ASIC2: variants seen among roughly 807,000 people sequenced by gnomAD.
ASIC2 encodes acid-sensing ion channel 2.
ASIC2 carries 25 observed loss-of-function variants against 57.3 expected under a neutral mutation model. The observed-to-expected ratio is 0.44, with a 90% CI of 0.32 to 0.61. The LOEUF is 0.61. ASIC2 is among the 20% of genes least tolerant of loss of function. The pLI is 0.06. For synonymous variants in ASIC2, 319 were observed against 307.5 expected (o/e 1.04, Z -0.39); for missense variants, 641 against 738.1 (o/e 0.87, Z 1.52).
chr17:33,790,073 T>A (rs1911725180), intron 1 of ASIC2, among the ~76,000 whole-genome samples: 1 of 152,242 alleles, frequency 6.6e-6, no homozygotes, highest in South Asian at 2.1e-4. Context: ...TGATGCCTAA[T>A]CAAAATAGAA....
chr17:33,375,405 T>C (rs1036909074), intron 1 of ASIC2, among the ~76,000 whole-genome samples: 5 of 150,970 alleles, frequency 3.3e-5, no homozygotes, highest in African/African-American at 1.2e-4. Flanking sequence ...AGGGGGAGAG[T>C]GGCAGGAGAA....
intron 1 of ASIC2, among the ~76,000 whole-genome samples, chr17:33,843,288 A>G (rs1913492185): frequency 6.6e-6 from 1 of 152,180 alleles, no homozygotes. Context: ...TGGGTGAGAA[A>G]CGGAAGGCTA....
At chr17:33,888,124 T>A (rs1914873678) in intron 1 of ASIC2, among the ~76,000 whole-genome samples, 1 of 152,186 alleles carries the variant, frequency 6.6e-6, no homozygotes, top group African/African-American at 2.4e-5. Context: ...ACCAGGGATA[T>A]AACCCCATCA....
At chr17:33,022,862 G>T (rs1396025157) in intron 6 of ASIC2, among the ~76,000 whole-genome samples, 1 of 152,156 alleles carries the variant, frequency 6.6e-6, no homozygotes, top group Non-Finnish European at 1.5e-5. Flanking sequence ...AACACCAGAG[G>T]ACTTTGAGAG....
At chr17:33,838,466 T>G (rs1421478460) in intron 1 of ASIC2, among the ~76,000 whole-genome samples, 1 of 152,164 alleles carries the variant, frequency 6.6e-6, no homozygotes, top group African/African-American at 2.4e-5. Flanking sequence ...TGATCAACTA[T>G]CAGATGACAC....
chr17:33,235,630 C>T (rs1018753882), intron 1 of ASIC2, among the ~76,000 whole-genome samples: 1 of 152,116 alleles, frequency 6.6e-6, no homozygotes, highest in African/African-American at 2.4e-5. Flanking sequence ...CAGAGGAGCC[C>T]TCTGTGCTGC....
intron 1 of ASIC2, among the ~76,000 whole-genome samples, chr17:34,042,227 T>C (rs1908163237): frequency 6.6e-6 from 1 of 152,178 alleles, no homozygotes; most frequent in Non-Finnish European, 1.5e-5. Context: ...CTCACATATT[T>C]ACCTAATAAA....
chr17:34,048,263 C>T (rs1302030089), intron 1 of ASIC2, among the ~76,000 whole-genome samples: 5 of 152,218 alleles, frequency 3.3e-5, no homozygotes, highest in Non-Finnish European at 7.3e-5. Context: ...ATTCTCTCTC[C>T]TGAACATGCT....
intron 1 of ASIC2, chr17:34,037,680 G>A: frequency 2.5e-6 from 4 of 1,613,974 alleles, no homozygotes; most frequent in Non-Finnish European, 3.4e-6. Context: ...GCTCCAGCAG[G>A]GCTACTCGTA....
intron 1 of ASIC2, among the ~76,000 whole-genome samples, chr17:34,061,069 A>G (rs1049630665): frequency 6.6e-6 from 1 of 152,200 alleles, no homozygotes; most frequent in African/African-American, 2.4e-5. Context: ...AGTTAAGATG[A>G]AGGAAAGAAT....
chr17:34,033,316 C>T (rs569284768), intron 1 of ASIC2, among the ~76,000 whole-genome samples: 37 of 152,132 alleles, frequency 2.4e-4, no homozygotes, highest in African/African-American at 8.2e-4. Context: ...TTGAAACCAA[C>T]GAGAACAAAA....
At chr17:33,305,423 T>A (rs976052183) in intron 1 of ASIC2, among the ~76,000 whole-genome samples, 2 of 152,166 alleles carry the variant, frequency 1.3e-5, no homozygotes, top group Non-Finnish European at 2.9e-5. Flanking sequence ...GTTATTTGTT[T>A]TTCACACTTT....
chr17:33,752,267 C>G (rs1910458266), intron 1 of ASIC2, among the ~76,000 whole-genome samples: 2 of 152,038 alleles, frequency 1.3e-5, no homozygotes, highest in Admixed American at 1.3e-4. Flanking sequence ...TCCTCCATAC[C>G]TCTCAGAGGA....
chr17:33,849,613 G>C (rs937599963), intron 1 of ASIC2, among the ~76,000 whole-genome samples: 2 of 152,172 alleles, frequency 1.3e-5, no homozygotes, highest in African/African-American at 4.8e-5. Flanking sequence ...TTGCCAGGGA[G>C]GAAGCCTTCC....
Position 33,229,825 on chromosome 17 carries a change from A to G in ASIC2, c.708+61583T>C, listed in dbSNP as rs116552148. Among the ~76,000 whole-genome samples the G allele has an allele frequency of 9.1e-3, 1,388 of 152,266 alleles. 28 individuals are homozygous for G. The highest frequency in any genetic ancestry group is 0.031 in the African/African-American group (1,289 of 41,550). On this transcript the variant is annotated intron_variant, in intron 1 of 9. Coordinates refer to ENST00000225823, the MANE Select transcript of ASIC2 (RefSeq NM_183377.2). ...AATCAGATTAGATGTTTCTCAGGGG[A>G]CTTTCCAGCCCTGGCTGCTCCTGGA...
chr17:33,032,693 C>A (rs1011786476), intron 3 of ASIC2, among the ~76,000 whole-genome samples: 16 of 152,194 alleles, frequency 1.1e-4, no homozygotes, highest in African/African-American at 3.6e-4. Context: ...AAATGACCTA[C>A]CTGCCTCAGC....
At chr17:33,856,131 G>A (rs572048064) in intron 1 of ASIC2, among the ~76,000 whole-genome samples, 2 of 152,288 alleles carry the variant, frequency 1.3e-5, no homozygotes, top group Non-Finnish European at 2.9e-5. Flanking sequence ...TGTACACAGA[G>A]AGGTCAGGAA....
intron 3 of ASIC2, among the ~76,000 whole-genome samples, chr17:33,044,930 G>GT (rs1335275654): frequency 2.6e-5 from 4 of 152,158 alleles, no homozygotes; most frequent in African/African-American, 9.7e-5. Flanking sequence ...GAAAGACTAT[G>GT]TTTTTTTAGG....
chr17:33,348,003 G>A (rs1483836970), intron 1 of ASIC2, among the ~76,000 whole-genome samples: 1 of 152,196 alleles, frequency 6.6e-6, no homozygotes. Context: ...TTGGGAGGCT[G>A]AGGTAGAAGA....
Sources: allele counts gnomAD v4.1 joint callset (sites outside exome capture counted in the v4.1 genomes callset), GRCh38; gene constraint gnomAD v4.1.1; transcripts MANE v1.5; gene names NCBI Gene and HGNC (gene_info 2026-07-23, HGNC 2026-07-21).